ALPK3: variants seen among roughly 807,000 people sequenced by gnomAD.
ALPK3 encodes the protein alpha-protein kinase 3.
ALPK3 carries 102 observed loss-of-function variants against 140.0 expected under a neutral mutation model. The observed-to-expected ratio is 0.73, with a 90% CI of 0.62 to 0.86. ALPK3 has a LOEUF of 0.86. Among genes scored for constraint, ALPK3 ranks in the 40% least tolerant of loss-of-function variants. The pLI is 0.00. For synonymous variants in ALPK3, 938 were observed against 898.5 expected (o/e 1.04, Z -0.79); for missense variants, 2,254 against 2,208.2 (o/e 1.02, Z -0.42).
intron 13 of ALPK3, among the ~76,000 whole-genome samples, 178 bp downstream of exon 13, chr15:84,867,543 C>T (rs1235789535): frequency 6.6e-6 from 1 of 152,058 alleles, no homozygotes; most frequent in African/African-American, 2.4e-5. Context: ...TTATCTCTGG[C>T]CTGGTGTGGC....
chr15:84,828,665 C>T (rs779458335), intron 3 of ALPK3, among the ~76,000 whole-genome samples: 5 of 152,206 alleles, frequency 3.3e-5, no homozygotes, highest in Non-Finnish European at 7.3e-5. Flanking sequence ...CTGCTCCGAG[C>T]GACATAGGTG....
At chr15:84,844,258 T>G (rs1436947922) in intron 5 of ALPK3, among the ~76,000 whole-genome samples, 3 of 151,360 alleles carry the variant, frequency 2.0e-5, no homozygotes, top group Non-Finnish European at 4.4e-5. Flanking sequence ...AAAACAAAAA[T>G]TAGCCAGGTG....
Position 84,868,276 on chromosome 15 carries a change from C to T in ALPK3, c.4938C>T (p.Gly1646=). 6.2e-7 allele frequency: 1 copy of T among 1,614,152 alleles called. No individual in the cohort carries two copies. Among genetic ancestry groups the T allele is most frequent in the Non-Finnish European group, 8.5e-7 (1 of 1,180,000 alleles). The part of the protein sequence containing the change: ...KAKGSKSPSA[G]RKGSQLSPQP... The stretch of plus-strand genomic sequence containing the variant: ...AAGGCTCTAAGAGTCCATCTGCTGG[C>T]AGGAAAGGCTCCCAGCTGAGTCCTC... Residue 1646 remains glycine (G), a synonymous_variant, in exon 14 of 14, where the codon GGC becomes GGT. Coordinates refer to ENST00000258888, the MANE Select transcript of ALPK3 (RefSeq NM_020778.5).
In ALPK3 at chr15:84,858,352, C is replaced by G. The variant is rs1313383102; in HGVS notation, c.3614C>G (p.Pro1205Arg). ...GPRKSLVPGSPGTPGRERRSP... is the reference protein window; with the variant it reads ...GPRKSLVPGSRGTPGRERRSP... ...AGGAAAAGCCTGGTGCCTGGGTCCC[C>G]AGGGACTCCAGGGCGGGAGAGACGC... Residue 1205 changes from proline (P) to arginine (R), a missense_variant, in exon 6 of 14, where the codon CCA becomes CGA. By Grantham distance (103) the Pro-to-Arg change is moderately radical (BLOSUM62 -2). Coordinates refer to ENST00000258888, the MANE Select transcript of ALPK3 (RefSeq NM_020778.5). 15 of 1,554,880 alleles carry G rather than the reference C, an allele frequency of 9.6e-6. No homozygotes were observed. In the Admixed American group the frequency reaches 2.9e-4, roughly 30 times the overall value.
chr15:84,862,947 T>G, intron 10 of ALPK3, 32 bp downstream of exon 10: 1 of 1,598,340 alleles, frequency 6.3e-7, no homozygotes, highest in African/African-American at 1.3e-5. Context: ...CCCCATTCTT[T>G]TATTCTCTCA....
intron 5 of ALPK3, among the ~76,000 whole-genome samples, chr15:84,853,633 C>A (rs774561957): frequency 6.6e-6 from 1 of 151,930 alleles, no homozygotes; most frequent in African/African-American, 2.4e-5. Flanking sequence ...AAAAAAGATT[C>A]TTCAGTCAGC....
rs918673475 is a variant in ALPK3, at chr15:84,870,065, C to A, written c.*1609C>A. 2 of 152,188 alleles carry A rather than the reference C, an allele frequency of 1.3e-5. No homozygotes were observed. Among genetic ancestry groups the A allele is most frequent in the Non-Finnish European group, 2.9e-5 (2 of 68,040 alleles). 9.4% of individuals were successfully genotyped at this position (152,188 alleles called of 1,614,324 possible). A position where few individuals can be genotyped will look rare whatever the true frequency, so the allele number is the denominator to read the frequency against. ...CACAGAGCTGGGGGCTCTGGAAACGCCCTGTGTCTCTGGCTACAGCAAGAC... is the reference window on the plus strand; with the variant it reads ...CACAGAGCTGGGGGCTCTGGAAACGACCTGTGTCTCTGGCTACAGCAAGAC... On this transcript the variant is annotated 3_prime_UTR_variant, in exon 14 of 14. Transcript: ENST00000258888.
At chr15:84,849,147 A>C (rs1963770742) in intron 5 of ALPK3, among the ~76,000 whole-genome samples, 2 of 152,128 alleles carry the variant, frequency 1.3e-5, no homozygotes, top group African/African-American at 4.8e-5. Flanking sequence ...TGTCTCAAAA[A>C]AAAAAAATTA....
intron 9 of ALPK3, among the ~76,000 whole-genome samples, chr15:84,860,817 G>A (rs1174253519): frequency 6.6e-6 from 1 of 152,192 alleles, no homozygotes; most frequent in African/African-American, 2.4e-5. Flanking sequence ...CCGCTTCCTG[G>A]GTTCAAGCAA....
chr15:84,841,360 A>G (rs1963665216), intron 5 of ALPK3, among the ~76,000 whole-genome samples: 1 of 152,208 alleles, frequency 6.6e-6, no homozygotes, highest in South Asian at 2.1e-4. Flanking sequence ...ATTTTTAACA[A>G]AGCTGAATGT....
chr15:84,859,906 G>T lies in ALPK3; in HGVS notation c.4093+3G>T. 1 of 1,614,036 alleles carries T rather than the reference G, an allele frequency of 6.2e-7. No homozygotes were observed. The highest frequency in any genetic ancestry group is 8.5e-7 in the Non-Finnish European group (1 of 1,180,022). ...CGACTTCTGCCTCAGCCCTGAGGGT[G>T]AGTGTGCCCCGCGGCCCGGGGTCTC... On this transcript the variant is annotated splice_donor_region_variant and intron_variant, in intron 8 of 13. Coordinates refer to ENST00000258888, the MANE Select transcript of ALPK3 (RefSeq NM_020778.5).
Position 84,839,819 on chromosome 15 carries a change from C to T in ALPK3, c.540C>T (p.Arg180=). 6.2e-7 allele frequency: 1 copy of T among 1,614,106 alleles called. No homozygotes were observed. Among genetic ancestry groups the T allele is most frequent in the South Asian group, 1.1e-5 (1 of 91,088 alleles). ...GTMTEYKIHQ[R]WFAKLKRKAA... ...TGACTGAGTACAAGATCCACCAGCGCTGGTTCGCCAAGTTGAAGCGCAAGG... is the reference window on the plus strand; with the variant it reads ...TGACTGAGTACAAGATCCACCAGCGTTGGTTCGCCAAGTTGAAGCGCAAGG... The change falls in exon 5 of 14, where the codon CGC becomes CGT. Residue 180 remains arginine (R), a synonymous_variant. Coordinates refer to ENST00000258888, the MANE Select transcript of ALPK3 (RefSeq NM_020778.5).
rs1288440511 is a variant in ALPK3, at chr15:84,840,917, C to A, written c.1638C>A (p.His546Gln). Residue 546 changes from histidine (H) to glutamine (Q), a missense_variant, in exon 5 of 14, where the codon CAC (histidine) becomes CAA (glutamine). Physicochemically the swap from His to Gln is conservative, Grantham distance 24 (BLOSUM62 0). Transcript: ENST00000258888. Reference sequence around the variant, plus strand: ...GCACGTTGCAGGGGCAAGCAGGCCACAGGACTCCAGGAGAGGTAAGTGTGG... The same window carrying A: ...GCACGTTGCAGGGGCAAGCAGGCCAAAGGACTCCAGGAGAGGTAAGTGTGG... ...RDSTLQGQAG[H>Q]RTPGEVLECQ... 1 of 1,598,722 alleles carries A rather than the reference C, an allele frequency of 6.3e-7. No individual in the cohort carries two copies. Among genetic ancestry groups the A allele is most frequent in the African/African-American group, 1.3e-5 (1 of 74,316 alleles).
intron 12 of ALPK3, 82 bp from the exon 13 acceptor site, chr15:84,867,235 C>T: frequency 6.7e-7 from 1 of 1,503,000 alleles, no homozygotes; most frequent in Non-Finnish European, 9.2e-7. Context: ...TTCTAAGCCA[C>T]CCAGTATATC....
rs531742390 is a variant in ALPK3 at position 84,848,298 on chromosome 15, TATATA to T, written c.1653+7368_1653+7372del. Among the ~76,000 whole-genome samples, 824 of 151,892 alleles carry T rather than the reference TATATA, an allele frequency of 5.4e-3. 8 individuals carry two copies. Among genetic ancestry groups the T allele is most frequent in the African/African-American group, 0.019 (783 of 41,418 alleles). Reference sequence around the variant, plus strand: ...GTTTTTTTAATGTATGCAAATATAATATATAAGACAAATACAACATAAAGGGGCAT... The same window carrying T: ...GTTTTTTTAATGTATGCAAATATAATAGACAAATACAACATAAAGGGGCAT... On this transcript the variant is annotated intron_variant, in intron 5 of 13. Coordinates refer to ENST00000258888, the MANE Select transcript of ALPK3 (RefSeq NM_020778.5).
At chr15:84,818,739 G>A (rs1017436876) in intron 1 of ALPK3, among the ~76,000 whole-genome samples, 2 of 152,192 alleles carry the variant, frequency 1.3e-5, no homozygotes, top group African/African-American at 2.4e-5. Context: ...CATAAAACTC[G>A]TCAAATGGTG....
At chr15:84,850,144 T>C (rs1299648787) in intron 5 of ALPK3, among the ~76,000 whole-genome samples, 1 of 150,648 alleles carries the variant, frequency 6.6e-6, no homozygotes, top group African/African-American at 2.4e-5. Context: ...TTAGATGAAA[T>C]AGAGCAGTTA....
At chr15:84,863,693 T>G in intron 11 of ALPK3, 53 bp downstream of exon 11, 1 of 1,547,244 alleles carries the variant, frequency 6.5e-7, no homozygotes, top group Non-Finnish European at 8.8e-7. Context: ...GCCTTGGGCT[T>G]CTGCAAAGAC....
At chr15:84,850,877 T>TACACACAC (rs1190685778) in intron 5 of ALPK3, among the ~76,000 whole-genome samples, 14 of 90,344 alleles carry the variant, frequency 1.5e-4, no homozygotes, top group African/African-American at 3.7e-4. Context: ...CAGTTCCAGA[T>TACACACAC]ATACACACAC....
Sources: gnomAD v4.1 joint callset for allele counts (sites outside exome capture counted in the v4.1 genomes callset) on GRCh38, gnomAD v4.1.1 for gene constraint, MANE v1.5 for transcripts, NCBI Gene and HGNC (gene_info 2026-07-23, HGNC 2026-07-21) for gene names.